The following GJD4 variants were observed in gnomAD, a reference collection of about 807,000 sequenced individuals.
GJD4 encodes gap junction protein delta 4, also known as gap junction delta-4 protein.
A neutral mutation model predicts 17.9 loss-of-function variants in GJD4; 18 were observed. The ratio of observed to expected loss-of-function variants is 1.00; its 90% CI spans 0.69 to 1.49. GJD4 has a LOEUF of 1.49. GJD4 is among the 40% of genes most tolerant of loss of function. The probability of loss-of-function intolerance (pLI) is 0.00; values close to 1 mark genes in which losing one functional copy is unlikely to be tolerated. For missense variants in GJD4, 639 were observed against 506.9 expected, an observed-to-expected ratio of 1.26 and a Z score of -2.50; for synonymous variants, 293 against 236.8, an observed-to-expected ratio of 1.24 and a Z score of -2.18.
intron 1 of GJD4, chr10:35,606,934 A>G (rs959133345): frequency 6.6e-6 from 1 of 152,250 alleles, no homozygotes; most frequent in African/African-American, 2.4e-5. Flanking sequence ...AGGGCCGTAG[A>G]CTAACATTAA....
Position 35,605,437 on chromosome 10 carries a change from C to T in GJD4, c.-131C>T, listed in dbSNP as rs1835442774. On this transcript the variant is annotated 5_prime_UTR_variant, in exon 1 of 2. Transcript: ENST00000321660. ...AAAAACCCACCTCCTACTCCTGGCT[C>T]AGACCTTTGCTTTCTTATCTCCAGC... 1 of 771,634 alleles carries T rather than the reference C, an allele frequency of 1.3e-6. No homozygotes were observed. Among genetic ancestry groups the T allele is most frequent in the South Asian group, 1.5e-5 (1 of 67,180 alleles). The allele number at this position is 771,634 out of a possible 1,614,324, so 47.8% of individuals were successfully genotyped here.
Position 35,607,741 on chromosome 10 carries a change from G to C in GJD4, c.228G>C (p.Arg76=). 6.2e-7 allele frequency: 1 copy of C among 1,613,376 alleles called. No homozygotes were observed. Among genetic ancestry groups the C allele is most frequent in the Non-Finnish European group, 8.5e-7 (1 of 1,180,022 alleles). ...TCTTCTCCCCCGTGTCTCACCTGCGGTTCTGGCTGATCCAGGGCGTGTGCG... is the reference window on the plus strand; with the variant it reads ...TCTTCTCCCCCGTGTCTCACCTGCGCTTCTGGCTGATCCAGGGCGTGTGCG... ...YDVFSPVSHL[R]FWLIQGVCVL... is the part of the protein sequence containing the mutation. The change falls in exon 2 of 2, where the codon CGG becomes CGC. Residue 76 remains arginine (R), a synonymous_variant. Coordinates refer to ENST00000321660, the MANE Select transcript of GJD4 (RefSeq NM_153368.3).
chr10:35,608,417 G>C lies in GJD4; in HGVS notation c.904G>C (p.Ala302Pro). 1 of 1,549,332 alleles carries C rather than the reference G, an allele frequency of 6.5e-7. No homozygotes were observed. The highest frequency in any genetic ancestry group is 8.7e-7 in the Non-Finnish European group (1 of 1,146,976). ...GGATGAGAGTGAGGTGACATCCTCC[G>C]CCAGCGAAAAGCTGGGCAGACAGCC... ...DEDESEVTSS[A>P]SEKLGRQPRG... The change falls in exon 2 of 2, where the codon GCC becomes CCC. Residue 302 changes from alanine to proline, a missense_variant. By Grantham distance (27) the Ala-to-Pro change is conservative. Transcript: ENST00000321660.
chr10:35,607,853 C>A lies in GJD4; in HGVS notation c.340C>A (p.Pro114Thr). 1 of 1,599,270 alleles carries A rather than the reference C, an allele frequency of 6.3e-7. No homozygotes were observed. The highest frequency in any genetic ancestry group is 8.5e-7 in the Non-Finnish European group (1 of 1,177,988). The change falls in exon 2 of 2, where the codon CCC becomes ACC. Residue 114 changes from proline (P) to threonine (T), a missense_variant. Pro to Thr is a conservative substitution (Grantham distance 38). Transcript: ENST00000321660. ...GCTGGGCCCCCGCCGCTGCCCCGAC[C>A]CCCGGGAGCCGGCCTCCGGGCAGAG... ...AALGPRRCPD[P>T]REPASGQRRC...
Position 35,608,222 on chromosome 10 carries a change from C to T in GJD4, c.709C>T (p.Arg237Trp). The change falls in exon 2 of 2, where the codon CGG (arginine) becomes TGG (tryptophan). Residue 237 changes from arginine to tryptophan, a missense_variant. Transcript: ENST00000321660. ...GGGACCCCCCACAAGCCCCTCCATC[C>T]GGAAGCAGAGCGGAGCCTCAGGCCA... The part of the protein sequence containing the change: ...RPGPPTSPSI[R>W]KQSGASGHAE... 3.8e-6 allele frequency: 6 copies of T among 1,588,204 alleles called. No homozygotes were observed. The highest frequency in any genetic ancestry group is 5.1e-6 in the Non-Finnish European group (6 of 1,172,718).
rs913101593 is a variant in GJD4 at position 35,605,491 on chromosome 10, G to C, written c.-77G>C. 12 of 1,124,586 alleles carry C rather than the reference G, an allele frequency of 1.1e-5. No homozygotes were observed. Among genetic ancestry groups the C allele is most frequent in the Non-Finnish European group, 1.1e-5 (8 of 734,436 alleles). The allele number at this position is 1,124,586 out of a possible 1,614,324, so 69.7% of individuals were successfully genotyped here. On this transcript the variant is annotated 5_prime_UTR_variant, in exon 1 of 2. Coordinates refer to ENST00000321660, the MANE Select transcript of GJD4 (RefSeq NM_153368.3). Reference sequence around the variant, plus strand: ...CACCTTTAAGTCTTATGTAGTTAAAGGACATTTATCCGCCTCCTTGGAGAA... The same window carrying C: ...CACCTTTAAGTCTTATGTAGTTAAACGACATTTATCCGCCTCCTTGGAGAA...
At chr10:35,607,523 T>C (rs1010578927) in intron 1 of GJD4, 55 bp from the exon 2 acceptor site, 3 of 1,189,256 alleles carry the variant, frequency 2.5e-6, no homozygotes, top group African/African-American at 1.5e-5. Flanking sequence ...TTAAAGCTGT[T>C]ACTCAGGGCA....
rs567778231 is a variant in GJD4, at chr10:35,605,642, G to C, written c.64+11G>C. 7 of 1,604,082 alleles carry C rather than the reference G, an allele frequency of 4.4e-6. No homozygotes were observed. In the African/African-American group the frequency reaches 9.4e-5, roughly 21 times the overall value. On this transcript the variant is annotated intron_variant, in intron 1 of 1. Coordinates refer to ENST00000321660, the MANE Select transcript of GJD4 (RefSeq NM_153368.3). ...ACGTGACCATGGTGGGTGAGTATTG[G>C]GACCATCTCCAAACTCCTGCGCTGT...
At position 35,605,501 on chromosome 10, in the gene GJD4, C is replaced by T. The variant is rs1399204568; in HGVS notation, c.-67C>T. The T allele has an allele frequency of 4.1e-6, 5 of 1,229,752 alleles. No homozygotes were observed. In the Admixed American group the frequency reaches 8.5e-5, roughly 21 times the overall value. The allele number at this position is 1,229,752 out of a possible 1,614,324, so 76.2% of individuals were successfully genotyped here. ...TCTTATGTAGTTAAAGGACATTTAT[C>T]CGCCTCCTTGGAGAACACAGCCCTC... is the stretch of plus-strand genomic sequence containing the variant. On this transcript the variant is annotated 5_prime_UTR_variant, in exon 1 of 2. Transcript: ENST00000321660.
rs748991317 is a variant in GJD4 at position 35,608,189 on chromosome 10, A to G, written c.676A>G (p.Arg226Gly). ...LVCSLRRRMR[R>G]RPGPPTSPSI... ...CTGCAGCCTGCGGCGGCGGATGCGC[A>G]GGAGGCCGGGACCCCCCACAAGCCC... Residue 226 changes from arginine to glycine, a missense_variant, in exon 2 of 2, where the codon AGG becomes GGG. Transcript: ENST00000321660. 2.5e-6 allele frequency: 4 copies of G among 1,594,130 alleles called. No homozygotes were observed. The highest frequency in any genetic ancestry group is 3.4e-6 in the Non-Finnish European group (4 of 1,174,798).
rs1564471284 is a variant in GJD4 at position 35,608,416 on chromosome 10, C to CGCCA, written c.906_909dup (p.Glu304GlnfsTer49). The CGCCA allele has an allele frequency of 6.5e-7, 1 of 1,549,376 alleles. No homozygotes were observed. Among genetic ancestry groups the CGCCA allele is most frequent in the South Asian group, 1.2e-5 (1 of 84,030 alleles). On this transcript the variant is annotated frameshift_variant, in exon 2 of 2. Coordinates refer to ENST00000321660, the MANE Select transcript of GJD4 (RefSeq NM_153368.3). LOFTEE classifies it high-confidence loss of function. Reference sequence around the variant, plus strand: ...AGGATGAGAGTGAGGTGACATCCTCCGCCAGCGAAAAGCTGGGCAGACAGC... The same window carrying CGCCA: ...AGGATGAGAGTGAGGTGACATCCTCCGCCAGCCAGCGAAAAGCTGGGCAGACAGC...
Position 35,608,206 on chromosome 10 carries a change from C to G in GJD4, c.693C>G (p.Pro231=), listed in dbSNP as rs199590260. The G allele has an allele frequency of 5.2e-4, 825 of 1,590,256 alleles. 2 individuals carry two copies. The African/African-American group carries it at 8.9e-3, about 17-fold the overall frequency. ...RRRMRRRPGP[P]TSPSIRKQSG... is the part of the protein sequence containing the mutation. The stretch of plus-strand genomic sequence containing the variant: ...GGATGCGCAGGAGGCCGGGACCCCC[C>G]ACAAGCCCCTCCATCCGGAAGCAGA... The change falls in exon 2 of 2, where the codon CCC becomes CCG. Residue 231 remains proline (P), a synonymous_variant. Coordinates refer to ENST00000321660, the MANE Select transcript of GJD4 (RefSeq NM_153368.3).
chr10:35,607,918 G>A lies in GJD4; in HGVS notation c.405G>A (p.Gln135=). ...CATTCGGGGAGCGCGGCGGCCTCCA[G>A]GTGCCCGACTTTTCGGCCGGCTACA... ...PRPFGERGGL[Q]VPDFSAGYII... Residue 135 remains glutamine (Q), a synonymous_variant, in exon 2 of 2, where the codon CAG becomes CAA. Coordinates refer to ENST00000321660, the MANE Select transcript of GJD4 (RefSeq NM_153368.3). The A allele has an allele frequency of 6.2e-7, 1 of 1,603,348 alleles. No homozygotes were observed. Among genetic ancestry groups the A allele is most frequent in the Non-Finnish European group, 8.5e-7 (1 of 1,178,116 alleles).
In GJD4 at chr10:35,608,472, A is replaced by T. The variant is rs374623236; in HGVS notation, c.959A>T (p.Gln320Leu). 37 of 1,547,026 alleles carry T rather than the reference A, an allele frequency of 2.4e-5. No homozygotes were observed. The African/African-American group carries it at 4.3e-4, about 18-fold the overall frequency. Residue 320 changes from glutamine to leucine, a missense_variant, in exon 2 of 2, where the codon CAG (glutamine) becomes CTG (leucine). Gln to Leu is a moderately radical substitution (Grantham distance 113, BLOSUM62 -2). Coordinates refer to ENST00000321660, the MANE Select transcript of GJD4 (RefSeq NM_153368.3). Reference protein sequence around the residue: ...PRGRPHREAAQDPRGSGSEEQ... With the variant: ...PRGRPHREAALDPRGSGSEEQ... ...GGCAGGCCCCACCGAGAGGCCGCCC[A>T]GGACCCCAGGGGCTCAGGATCCGAG...
Position 35,608,517 on chromosome 10 carries a change from C to T in GJD4, c.1004C>T (p.Pro335Leu), listed in dbSNP as rs1308320903. ...SGSEEQPSAA[P>L]SRLAAPPSCS... ...TCCGAGGAGCAGCCCTCAGCAGCCC[C>T]CAGCCGCCTGGCCGCGCCCCCTTCC... is the stretch of plus-strand genomic sequence containing the variant. The change falls in exon 2 of 2, where the codon CCC (proline) becomes CTC (leucine). Residue 335 changes from proline to leucine, a missense_variant. Coordinates refer to ENST00000321660, the MANE Select transcript of GJD4 (RefSeq NM_153368.3). 6.4e-7 allele frequency: 1 copy of T among 1,552,242 alleles called. No homozygotes were observed. The highest frequency in any genetic ancestry group is 8.7e-7 in the Non-Finnish European group (1 of 1,148,842).
intron 1 of GJD4, 117 bp downstream of exon 1, chr10:35,605,748 T>TG (rs1444627623): frequency 2.6e-6 from 2 of 769,176 alleles, no homozygotes; most frequent in African/African-American, 3.5e-5. Context: ...AGCACCAAGC[T>TG]GAAAGTCCAC....
chr10:35,607,467 T>G (rs940714955), intron 1 of GJD4, 111 bp from the exon 2 acceptor site: 2 of 708,596 alleles, frequency 2.8e-6, no homozygotes, highest in Non-Finnish European at 4.8e-6. Flanking sequence ...ACTAAAGACA[T>G]GCTTATTGAC....
At chr10:35,607,248 A>G (rs1003443232) in intron 1 of GJD4, 3 of 315,222 alleles carry the variant, frequency 9.5e-6, no homozygotes, top group African/African-American at 2.2e-5. Flanking sequence ...AAGGATGTTC[A>G]GTGCTCAGTA....
At chr10:35,605,984 G>T in intron 1 of GJD4, 1 of 269,892 alleles carries the variant, frequency 3.7e-6, no homozygotes, top group Non-Finnish European at 6.9e-6. Context: ...CCAGGAAAAG[G>T]AACAGAACAA....
Sources: gnomAD v4.1 joint callset for allele counts on GRCh38, gnomAD v4.1.1 for gene constraint, MANE v1.5 for transcripts, NCBI Gene and HGNC (gene_info 2026-07-23, HGNC 2026-07-21) for gene names.